The following HPS4 variants were observed in gnomAD, a reference collection of about 807,000 sequenced individuals.
The protein encoded by HPS4 is HPS4 biogenesis of lysosomal organelles complex 3 subunit 2, also known as BLOC-3 complex member HPS4.
Under a neutral mutation model 70.3 loss-of-function variants are expected in HPS4, and 44 were observed. The ratio of observed to expected loss-of-function variants is 0.63; its 90% CI spans 0.49 to 0.80. The LOEUF is 0.80. Among genes scored for constraint, HPS4 ranks in the 30% least tolerant of loss-of-function variants. The probability of loss-of-function intolerance (pLI) is 0.00; values close to 1 mark genes in which losing one functional copy is unlikely to be tolerated. For synonymous variants in HPS4, 377 were observed against 355.9 expected (o/e 1.06, Z -0.67); for missense variants, 873 against 884.4 (o/e 0.99, Z 0.16).
At chr22:26,470,681 G>A (rs777256378) in intron 7 of HPS4, 38 bp downstream of exon 7, 1 of 1,596,044 alleles carries the variant, frequency 6.3e-7, no homozygotes, top group East Asian at 2.2e-5. Context: ...GTGCAGCAAG[G>A]GAATGGGGCT....
In HPS4 at chr22:26,464,216, G is replaced by T; in HGVS notation, c.1414C>A (p.Pro472Thr). The change falls in exon 11 of 14, where the codon CCT becomes ACT. Residue 472 changes from proline (P) to threonine (T), a missense_variant. Transcript: ENST00000398145. ...PRRTRRPLLL[P>T]RLDPGQRGNK... ...CCTCTCTGTCCTGGATCTAAGCGAG[G>T]CAATAACAAGGGCCTGCGGGTCCTT... 2 of 1,614,230 alleles carry T rather than the reference G, an allele frequency of 1.2e-6. No homozygotes were observed. The highest frequency in any genetic ancestry group is 1.7e-6 in the Non-Finnish European group (2 of 1,180,052).
At chr22:26,455,838 CCT>C (rs1411369112) in intron 13 of HPS4, among the ~76,000 whole-genome samples, 5 of 152,132 alleles carry the variant, frequency 3.3e-5, no homozygotes, top group African/African-American at 1.2e-4. Context: ...ACACTAAACC[CCT>C]CTCAGCTCTA....
chr22:26,458,715 G>A (rs186252823), intron 11 of HPS4, 138 bp from the exon 12 acceptor site: 4 of 1,022,916 alleles, frequency 3.9e-6, no homozygotes, highest in African/African-American at 3.2e-5. Context: ...CCAGTGCTTT[G>A]TGAGACCGAG....
chr22:26,471,038 G>T lies in HPS4; in HGVS notation c.502-225C>A. 3.6e-6 allele frequency: 3 copies of T among 831,362 alleles called. 1 individual carries two copies. Among genetic ancestry groups the T allele is most frequent in the South Asian group, 3.2e-5 (2 of 62,804 alleles). 51.5% of individuals were successfully genotyped at this position (831,362 alleles called of 1,614,324 possible). A position where few individuals can be genotyped will look rare whatever the true frequency, so the allele number is the denominator to read the frequency against. Reference sequence around the variant, plus strand: ...AATGCCAAATTCTTAGAACAAGGAGGCCTGTCCAGAAGCTAGAAGGTGCAG... The same window carrying T: ...AATGCCAAATTCTTAGAACAAGGAGTCCTGTCCAGAAGCTAGAAGGTGCAG... On this transcript the variant is annotated intron_variant, in intron 6 of 13. Coordinates refer to ENST00000398145, the MANE Select transcript of HPS4 (RefSeq NM_022081.6).
rs2085234264 is a variant in HPS4 at position 26,451,918 on chromosome 22, C to T, written c.*1315G>A. 1 of 170,330 alleles carries T rather than the reference C, an allele frequency of 5.9e-6. No homozygotes were observed. The highest frequency in any genetic ancestry group is 1.3e-5 in the Non-Finnish European group (1 of 79,614). The allele number at this position is 170,330 out of a possible 1,614,324, so 10.6% of individuals were successfully genotyped here. A position where few individuals can be genotyped will look rare whatever the true frequency, so the allele number is the denominator to read the frequency against. ...AGCAGCAGGCTGCAGCCTGGCAGCC[C>T]TACAAACAGACGGTCCTTACCCAGC... On this transcript the variant is annotated 3_prime_UTR_variant, in exon 14 of 14. Coordinates refer to ENST00000398145, the MANE Select transcript of HPS4 (RefSeq NM_022081.6).
At chr22:26,449,793 T>C (rs969761999), downstream of HPS4, among the ~76,000 whole-genome samples, 1 of 152,184 alleles carries the variant, frequency 6.6e-6, no homozygotes, top group African/African-American at 2.4e-5. Context: ...TGGATTTGTT[T>C]CCTCTGGCTG....
intron 13 of HPS4, among the ~76,000 whole-genome samples, chr22:26,454,562 C>G (rs1209985774): frequency 3.9e-5 from 6 of 152,164 alleles, no homozygotes; most frequent in Non-Finnish European, 8.8e-5. Flanking sequence ...CTTCCTTACA[C>G]CTTACACAAA....
At chr22:26,466,366 C>T in intron 8 of HPS4, 104 bp from the exon 9 acceptor site, 1 of 1,310,364 alleles carries the variant, frequency 7.6e-7, no homozygotes, top group Non-Finnish European at 1.1e-6. Flanking sequence ...CTTAGCCAGG[C>T]CCAGAAAGCT....
chr22:26,474,597 T>C (rs2090274925), intron 4 of HPS4, among the ~76,000 whole-genome samples: 1 of 152,094 alleles, frequency 6.6e-6, no homozygotes. Context: ...TTAGACTTCA[T>C]TAAAATGAAA....
In HPS4 at chr22:26,466,266, A is replaced by C. The variant is rs1569076675; in HGVS notation, c.670-4T>G. 11 of 1,614,142 alleles carry C rather than the reference A, an allele frequency of 6.8e-6. No homozygotes were observed. The highest frequency in any genetic ancestry group is 9.3e-6 in the Non-Finnish European group (11 of 1,179,976). On this transcript the variant is annotated splice_region_variant and splice_polypyrimidine_tract_variant and intron_variant, in intron 8 of 13. Coordinates refer to ENST00000398145, the MANE Select transcript of HPS4 (RefSeq NM_022081.6). ...CATCCTCTCCCGTAGGGAGTCTCTGAAAACAAACACACACAGAAGTTGGCG... is the reference window on the plus strand; with the variant it reads ...CATCCTCTCCCGTAGGGAGTCTCTGCAAACAAACACACACAGAAGTTGGCG...
In HPS4 at chr22:26,479,761, A is replaced by G. The variant is rs553249133; in HGVS notation, c.42-406T>C. ...GCACTCCTCATAAGTGCTGAGCACA[A>G]AGATTTCCAGAAACAGCCCTTCTAC... On this transcript the variant is annotated intron_variant, in intron 2 of 13. Coordinates refer to ENST00000398145, the MANE Select transcript of HPS4 (RefSeq NM_022081.6). The G allele has an allele frequency of 8.0e-6, 7 of 873,456 alleles. No individual in the cohort carries two copies. The East Asian group carries it at 5.3e-4, about 66-fold the overall frequency. 54.1% of individuals were successfully genotyped at this position (873,456 alleles called of 1,614,324 possible).
intron 4 of HPS4, among the ~76,000 whole-genome samples, chr22:26,473,682 G>T (rs2090147207): frequency 6.6e-6 from 1 of 152,090 alleles, no homozygotes; most frequent in Admixed American, 6.5e-5. Context: ...GGCAGAGGTT[G>T]CAGCGAGCCG....
At chr22:26,473,010 C>T (rs2090054890) in intron 4 of HPS4, 71 bp from the exon 5 acceptor site, 2 of 1,355,620 alleles carry the variant, frequency 1.5e-6, no homozygotes, top group Admixed American at 3.4e-5. Flanking sequence ...TCCTGGCATC[C>T]AGGGCTCTCA....
chr22:26,465,416 A>G, intron 10 of HPS4, 39 bp downstream of exon 10: 1 of 1,419,642 alleles, frequency 7.0e-7, no homozygotes, highest in Non-Finnish European at 1.0e-6. Flanking sequence ...GGGGTCCCTC[A>G]GGTGTGGTGC....
chr22:26,456,856 A>G (rs1359236255), intron 13 of HPS4, among the ~76,000 whole-genome samples: 1 of 152,162 alleles, frequency 6.6e-6, no homozygotes, highest in Non-Finnish European at 1.5e-5. Context: ...TTCTGGTTTC[A>G]TAAGAGAAGC....
At chr22:26,456,185 C>G (rs926446508) in intron 13 of HPS4, among the ~76,000 whole-genome samples, 4 of 152,208 alleles carry the variant, frequency 2.6e-5, no homozygotes, top group Non-Finnish European at 5.9e-5. Context: ...ACCACCCATG[C>G]CCCTCACACT....
At chr22:26,453,858 G>A (rs1177956524) in intron 13 of HPS4, 1 of 242,302 alleles carries the variant, frequency 4.1e-6, no homozygotes, top group Admixed American at 5.1e-5. Flanking sequence ...TCTATGACGA[G>A]GCAATGGCAG....
At position 26,471,149 on chromosome 22, in the gene HPS4, G is replaced by T. The variant is rs187855907; in HGVS notation, c.502-336C>A. On this transcript the variant is annotated intron_variant, in intron 6 of 13. Transcript: ENST00000398145. ...TACCCTGACAATGCTAAGACCTCACGGCAGCAGAAGAGGAGGGTGTATCCT... is the reference window on the plus strand; with the variant it reads ...TACCCTGACAATGCTAAGACCTCACTGCAGCAGAAGAGGAGGGTGTATCCT... The T allele has an allele frequency of 1.4e-5, 6 of 420,764 alleles. No homozygotes were observed. The East Asian group carries it at 3.2e-4, about 23-fold the overall frequency. 26.1% of individuals were successfully genotyped at this position (420,764 alleles called of 1,614,324 possible). A position where few individuals can be genotyped will look rare whatever the true frequency, so the allele number is the denominator to read the frequency against.
chr22:26,477,383 C>G (rs2090695905), intron 3 of HPS4, among the ~76,000 whole-genome samples: 1 of 152,194 alleles, frequency 6.6e-6, no homozygotes. Flanking sequence ...TTGCCAACCC[C>G]TACCTGAGAT....
Sources: allele counts gnomAD v4.1 joint callset (sites outside exome capture counted in the v4.1 genomes callset), GRCh38; gene constraint gnomAD v4.1.1; transcripts MANE v1.5; gene names NCBI Gene and HGNC (gene_info 2026-07-23, HGNC 2026-07-21).